Variants in NIPBL observed in about 807,000 individuals in gnomAD.
The protein encoded by NIPBL is nipped-B-like protein.
Under a neutral mutation model 321.8 loss-of-function variants are expected in NIPBL, and 19 were observed. The ratio of observed to expected loss-of-function variants is 0.06; its 90% CI spans 0.04 to 0.09. NIPBL has a LOEUF of 0.09. Among genes scored for constraint, NIPBL ranks in the 10% least tolerant of loss-of-function variants. The probability of loss-of-function intolerance (pLI) is 1.00; values close to 1 mark genes in which losing one functional copy is unlikely to be tolerated. For synonymous variants in NIPBL, 1,106 were observed against 1,114.1 expected (o/e 0.99, Z 0.14); for missense variants, 2,210 against 3,327.0 (o/e 0.66, Z 8.26).
At position 36,985,139 on chromosome 5, in the gene NIPBL, G is replaced by C; in HGVS notation, c.1959G>C (p.Gln653His). The C allele has an allele frequency of 6.2e-7, 1 of 1,613,896 alleles. No homozygotes were observed. The highest frequency in any genetic ancestry group is 8.5e-7 in the Non-Finnish European group (1 of 1,179,926). ...AGACCCAAACAGAAGAACTTAAACA[G>C]AATGAGAGCAGAACAACTGAATGCA... Reference protein sequence around the residue: ...KVETQTEELKQNESRTTECKQ... With the variant: ...KVETQTEELKHNESRTTECKQ... The change falls in exon 10 of 47, where the codon CAG becomes CAC. Residue 653 changes from glutamine to histidine, a missense_variant. Coordinates refer to ENST00000282516, the MANE Select transcript of NIPBL (RefSeq NM_133433.4).
chr5:36,938,253 G>T (rs564682880), intron 1 of NIPBL, among the ~76,000 whole-genome samples: 5 of 152,080 alleles, frequency 3.3e-5, no homozygotes, highest in Non-Finnish European at 5.9e-5. Context: ...GTAGTTTTAG[G>T]CCAGTACGTA....
Position 36,962,058 on chromosome 5 carries a change from G to C in NIPBL, c.459-65G>C, listed in dbSNP as rs568557020. Reference sequence around the variant, plus strand: ...AGATCAGAGGACTTTGTGACAGTCAGATTTCAAGGAATAGCGTGTTTATTT... The same window carrying C: ...AGATCAGAGGACTTTGTGACAGTCACATTTCAAGGAATAGCGTGTTTATTT... On this transcript the variant is annotated intron_variant, in intron 5 of 46. Transcript: ENST00000282516. 5 of 1,576,568 alleles carry C rather than the reference G, an allele frequency of 3.2e-6. No individual in the cohort carries two copies. The African/African-American group carries it at 6.7e-5, about 21-fold the overall frequency.
chr5:37,016,654 G>A (rs910479742), intron 23 of NIPBL, among the ~76,000 whole-genome samples: 2 of 152,080 alleles, frequency 1.3e-5, no homozygotes, highest in African/African-American at 4.8e-5. Flanking sequence ...GGACCTTTTT[G>A]TGAATGGGAA....
intron 1 of NIPBL, among the ~76,000 whole-genome samples, chr5:36,915,143 C>G (rs1195256200): frequency 6.6e-6 from 1 of 151,780 alleles, no homozygotes; most frequent in African/African-American, 2.4e-5. Context: ...TAATGTAGTT[C>G]TTAAAAAATA....
intron 6 of NIPBL, among the ~76,000 whole-genome samples, chr5:36,968,538 G>A (rs1175467082): frequency 6.6e-6 from 1 of 151,896 alleles, no homozygotes; most frequent in African/African-American, 2.4e-5. Context: ...GGGCAACTGA[G>A]CAAGACTCCG....
At position 37,052,348 on chromosome 5, in the gene NIPBL, G is replaced by T; in HGVS notation, c.7063-18G>T. 1 of 1,605,194 alleles carries T rather than the reference G, an allele frequency of 6.2e-7. No homozygotes were observed. Among genetic ancestry groups the T allele is most frequent in the Non-Finnish European group, 8.5e-7 (1 of 1,172,032 alleles). On this transcript the variant is annotated intron_variant, in intron 41 of 46. Coordinates refer to ENST00000282516, the MANE Select transcript of NIPBL (RefSeq NM_133433.4). ...CTTTTAATTTCCCTGACAAAAATGA[G>T]ACTTTTATTGATTTCAGATGAAAGC...
intron 1 of NIPBL, among the ~76,000 whole-genome samples, chr5:36,927,633 G>A (rs1749462985): frequency 1.3e-5 from 2 of 152,186 alleles, no homozygotes; most frequent in Non-Finnish European, 2.9e-5. Flanking sequence ...CTGGACAAAT[G>A]AGTTGTCTTT....
intron 24 of NIPBL, among the ~76,000 whole-genome samples, chr5:37,017,815 G>A (rs1377630147): frequency 6.6e-6 from 1 of 151,636 alleles, no homozygotes; most frequent in Non-Finnish European, 1.5e-5. Flanking sequence ...CTCAACCTTA[G>A]AGAAAAATTG....
intron 9 of NIPBL, among the ~76,000 whole-genome samples, chr5:36,978,967 A>C (rs556337518): frequency 6.6e-6 from 1 of 151,898 alleles, no homozygotes; most frequent in Non-Finnish European, 1.5e-5. Context: ...TTATACCAGT[A>C]CCATGCTGTT....
Position 36,985,506 on chromosome 5 carries a change from A to G in NIPBL, c.2326A>G (p.Lys776Glu). ...RDSGKPSTEK[K>E]PEVSKHKQDT... ...TTCTGGAAAGCCATCTACAGAGAAA[A>G]AACCTGAAGTGTCTAAACATAAACA... is the stretch of plus-strand genomic sequence containing the variant. The change falls in exon 10 of 47, where the codon AAA becomes GAA. Residue 776 changes from lysine to glutamate, a missense_variant. This residue lies in a region of NIPBL where 588 missense variants were observed against 564.1 expected (regional missense o/e 1.04). Coordinates refer to ENST00000282516, the MANE Select transcript of NIPBL (RefSeq NM_133433.4). 6.2e-7 allele frequency: 1 copy of G among 1,613,502 alleles called. No homozygotes were observed. The highest frequency in any genetic ancestry group is 8.5e-7 in the Non-Finnish European group (1 of 1,179,866).
At chr5:36,965,372 C>T (rs1054376941) in intron 6 of NIPBL, among the ~76,000 whole-genome samples, 3 of 152,058 alleles carry the variant, frequency 2.0e-5, no homozygotes, top group African/African-American at 7.2e-5. Flanking sequence ...TCATTTTCAG[C>T]AACATAGAGG....
In NIPBL at chr5:37,000,482, AAGG is replaced by A. The variant is rs2149669182; in HGVS notation, c.3417_3419del (p.Arg1139del). The A allele has an allele frequency of 1.2e-6, 2 of 1,613,482 alleles. No individual in the cohort carries two copies. The highest frequency in any genetic ancestry group is 1.7e-6 in the Non-Finnish European group (2 of 1,179,588). Reference sequence around the variant, plus strand: ...GAAGTGGCCACTCTCATGAAGGAAGAAGGAGTTCAGGTGGTGGTCGTTATCGAA... The same window carrying A: ...GAAGTGGCCACTCTCATGAAGGAAGAAGTTCAGGTGGTGGTCGTTATCGAA... On this transcript the variant is annotated inframe_deletion, in exon 12 of 47. Transcript: ENST00000282516.
rs757731487 is a variant in NIPBL, at chr5:37,051,759, AT to A, written c.6955-9del. The A allele has an allele frequency of 0.02, 22,716 of 1,117,266 alleles. 1 individual carries two copies. Among genetic ancestry groups the A allele is most frequent in the Non-Finnish European group, 0.023 (18,652 of 805,220 alleles). The allele number at this position is 1,117,266 out of a possible 1,614,324, so 69.2% of individuals were successfully genotyped here. On this transcript the variant is annotated intron_variant, in intron 40 of 46. Coordinates refer to ENST00000282516, the MANE Select transcript of NIPBL (RefSeq NM_133433.4). The stretch of plus-strand genomic sequence containing the variant: ...ATTTTTACTACCATGATATCTCGTA[AT>A]TTTTTTTTTTATTTCCAGTGTGTGC...
At chr5:36,946,871 G>A (rs1048012855) in intron 1 of NIPBL, among the ~76,000 whole-genome samples, 6 of 151,932 alleles carry the variant, frequency 3.9e-5, no homozygotes, top group African/African-American at 1.5e-4. Flanking sequence ...TTTGCTGTAG[G>A]TTTATCTTTT....
At chr5:36,896,181 A>G (rs934672537) in intron 1 of NIPBL, among the ~76,000 whole-genome samples, 1 of 152,240 alleles carries the variant, frequency 6.6e-6, no homozygotes, top group African/African-American at 2.4e-5. Flanking sequence ...ATTTGTTGAA[A>G]AGACTATTCT....
At chr5:36,878,628 A>T (rs566926590) in intron 1 of NIPBL, among the ~76,000 whole-genome samples, 88 of 152,204 alleles carry the variant, frequency 5.8e-4, no homozygotes, top group South Asian at 5.6e-3. Context: ...AATTATTGTC[A>T]CTGTAGAATA....
At chr5:36,959,316 A>G (rs540737051) in intron 4 of NIPBL, among the ~76,000 whole-genome samples, 1 of 152,300 alleles carries the variant, frequency 6.6e-6, no homozygotes, top group Admixed American at 6.5e-5. Context: ...CCTTTAAATA[A>G]TATTGCTTTG....
At chr5:36,924,402 G>C (rs961403858) in intron 1 of NIPBL, among the ~76,000 whole-genome samples, 5 of 152,128 alleles carry the variant, frequency 3.3e-5, no homozygotes, top group Non-Finnish European at 7.4e-5. Context: ...AAGTGTAGTG[G>C]TTAAGAACAT....
In NIPBL at chr5:37,008,604, T is replaced by A; in HGVS notation, c.4321-19T>A. On this transcript the variant is annotated intron_variant, in intron 19 of 46. Coordinates refer to ENST00000282516, the MANE Select transcript of NIPBL (RefSeq NM_133433.4). ...TTTCTATTATAAGTTTAACTTGGAATCTTATAATTACTAAACAGGTATTCT... is the reference window on the plus strand; with the variant it reads ...TTTCTATTATAAGTTTAACTTGGAAACTTATAATTACTAAACAGGTATTCT... 2 of 1,191,802 alleles carry A rather than the reference T, an allele frequency of 1.7e-6. No homozygotes were observed. Among genetic ancestry groups the A allele is most frequent in the Non-Finnish European group, 2.5e-6 (2 of 797,912 alleles). 73.8% of individuals were successfully genotyped at this position (1,191,802 alleles called of 1,614,324 possible). A position where few individuals can be genotyped will look rare whatever the true frequency, so the allele number is the denominator to read the frequency against.
Sources: allele counts gnomAD v4.1 joint callset (sites outside exome capture counted in the v4.1 genomes callset), GRCh38; gene constraint gnomAD v4.1.1; regional missense constraint gnomAD v4.1.1; transcripts MANE v1.5; gene names NCBI Gene and HGNC (gene_info 2026-07-23, HGNC 2026-07-21).